Variants in DOK5 observed in about 807,000 individuals in gnomAD.
DOK5 encodes the protein docking protein 5.
A neutral mutation model predicts 43.3 loss-of-function variants in DOK5; 27 were observed. The observed-to-expected ratio is 0.62, with a 90% CI of 0.46 to 0.86. DOK5 has a LOEUF of 0.86. DOK5 is among the 40% of genes least tolerant of loss of function. The pLI is 0.00. For missense variants in DOK5, 373 were observed against 392.9 expected, an observed-to-expected ratio of 0.95 and a Z score of 0.43; for synonymous variants, 146 against 140.1, an observed-to-expected ratio of 1.04 and a Z score of -0.30.
At chr20:54,487,334 C>T (rs1351656303) in intron 1 of DOK5, among the ~76,000 whole-genome samples, 1 of 152,168 alleles carries the variant, frequency 6.6e-6, no homozygotes, top group Non-Finnish European at 1.5e-5. Context: ...CGTCATGTTT[C>T]ATTGCACTGA....
chr20:54,527,260 GT>G (rs960093801), intron 1 of DOK5, among the ~76,000 whole-genome samples: 3 of 151,876 alleles, frequency 2.0e-5, no homozygotes, highest in Non-Finnish European at 1.5e-5. Flanking sequence ...CATTTTAAAA[GT>G]TTTTTTTAAA....
chr20:54,545,750 T>C (rs756302136), intron 1 of DOK5, among the ~76,000 whole-genome samples: 3 of 152,138 alleles, frequency 2.0e-5, no homozygotes, highest in African/African-American at 4.8e-5. Context: ...ATACATGGAG[T>C]CCTGGATTAG....
intron 6 of DOK5, among the ~76,000 whole-genome samples, chr20:54,640,975 G>A (rs886464713): frequency 4.6e-5 from 7 of 152,092 alleles, no homozygotes; most frequent in African/African-American, 1.4e-4. Context: ...AGAAGCTGAC[G>A]AGGTGAGGGA....
At chr20:54,623,195 C>A (rs957231344) in intron 6 of DOK5, among the ~76,000 whole-genome samples, 1 of 152,120 alleles carries the variant, frequency 6.6e-6, no homozygotes, top group African/African-American at 2.4e-5. Flanking sequence ...CAATGGGGTC[C>A]CATTGGCATC....
chr20:54,582,896 C>G lies in DOK5; in HGVS notation c.175-5587C>G, dbSNP rs550801003. ...GTTCTAATCTAATTTTTATTATTTC[C>G]TTTCTTCTTATTATTTTGGGCATAG... On this transcript the variant is annotated intron_variant, in intron 2 of 7. Transcript: ENST00000262593. Among the ~76,000 whole-genome samples the G allele has an allele frequency of 2.7e-4, 41 of 151,744 alleles. 1 individual carries two copies. The South Asian group carries it at 8.3e-3, about 31-fold the overall frequency.
rs6512981 is a variant in DOK5, at chr20:54,627,677, T to G, written c.736-15781T>G. ...AGAAAGACGCAGTGGATCTCCAACT[T>G]ACGTGTGCATCACAGTCACCTACAA... On this transcript the variant is annotated intron_variant, in intron 6 of 7. Transcript: ENST00000262593. Among the ~76,000 whole-genome samples the G allele has an allele frequency of 7.5e-3, 1,137 of 152,134 alleles. 5 individuals carry two copies. Among genetic ancestry groups the G allele is most frequent in the African/African-American group, 0.026 (1,075 of 41,478 alleles).
At chr20:54,530,740 T>C (rs1271069610) in intron 1 of DOK5, among the ~76,000 whole-genome samples, 1 of 152,212 alleles carries the variant, frequency 6.6e-6, no homozygotes, top group Non-Finnish European at 1.5e-5. Flanking sequence ...GTATGCCTTT[T>C]CCCCTATTAA....
chr20:54,530,815 C>T (rs774350882), intron 1 of DOK5, among the ~76,000 whole-genome samples: 4 of 151,892 alleles, frequency 2.6e-5, no homozygotes, highest in Non-Finnish European at 5.9e-5. Context: ...TTCCTTTCAC[C>T]CCTGCAATAC....
Position 54,475,764 on chromosome 20 carries a change from T to C in DOK5, c.-183T>C. The C allele has an allele frequency of 1.4e-6, 1 of 727,086 alleles. No homozygotes were observed. The highest frequency in any genetic ancestry group is 2.2e-6 in the Non-Finnish European group (1 of 455,520). 45.0% of individuals were successfully genotyped at this position (727,086 alleles called of 1,614,324 possible). On this transcript the variant is annotated 5_prime_UTR_variant, in exon 1 of 8. Transcript: ENST00000262593. The surrounding 1 kb of genome is among the most constrained non-coding windows in gnomAD (Gnocchi z 4.2). ...GTGGCTGCAAGCCGGCCGCCCACTG[T>C]CAGGGTTGGGGGGACAGAGAAAGTG...
At chr20:54,579,060 A>G (rs543513043) in intron 2 of DOK5, among the ~76,000 whole-genome samples, 2 of 152,340 alleles carry the variant, frequency 1.3e-5, no homozygotes, top group African/African-American at 4.8e-5. Context: ...ATTTCATAGC[A>G]GTAGTATTAG....
intron 5 of DOK5, among the ~76,000 whole-genome samples, chr20:54,599,378 T>A (rs1195230597): frequency 6.6e-6 from 1 of 152,212 alleles, no homozygotes; most frequent in African/African-American, 2.4e-5. Flanking sequence ...AATGCACACA[T>A]TATAAATATT....
chr20:54,569,080 A>C (rs1324629444), intron 2 of DOK5, among the ~76,000 whole-genome samples: 1 of 151,552 alleles, frequency 6.6e-6, no homozygotes, highest in Non-Finnish European at 1.5e-5. Context: ...CAAACTCTTT[A>C]CTCTGTCTGC....
intron 2 of DOK5, among the ~76,000 whole-genome samples, chr20:54,561,594 A>G (rs1984908932): frequency 6.6e-6 from 1 of 152,218 alleles, no homozygotes; most frequent in Non-Finnish European, 1.5e-5. Context: ...AGGGCAACCC[A>G]AGACTACTTA....
chr20:54,477,244 T>C (rs1981469725), intron 1 of DOK5, among the ~76,000 whole-genome samples: 1 of 152,150 alleles, frequency 6.6e-6, no homozygotes, highest in African/African-American at 2.4e-5. Flanking sequence ...TACTGAAAAC[T>C]GAAAAGAAAT....
At chr20:54,589,009 A>G (rs1437067961) in intron 4 of DOK5, among the ~76,000 whole-genome samples, 2 of 152,206 alleles carry the variant, frequency 1.3e-5, no homozygotes, top group African/African-American at 2.4e-5. Flanking sequence ...ACATGAATGT[A>G]TCTACATTAA....
chr20:54,637,308 G>A (rs1406870977), intron 6 of DOK5, among the ~76,000 whole-genome samples: 1 of 152,236 alleles, frequency 6.6e-6, no homozygotes, highest in Non-Finnish European at 1.5e-5. Flanking sequence ...GCCAGGTTAG[G>A]AAGAGACCTG....
intron 6 of DOK5, among the ~76,000 whole-genome samples, chr20:54,637,106 G>C (rs971095819): frequency 2.0e-5 from 3 of 152,194 alleles, no homozygotes; most frequent in Non-Finnish European, 4.4e-5. Context: ...AAAGAGACCT[G>C]TAAGCCCAAG....
chr20:54,565,053 GA>G (rs2146740717), intron 2 of DOK5, among the ~76,000 whole-genome samples: 1 of 152,116 alleles, frequency 6.6e-6, no homozygotes, highest in South Asian at 2.1e-4. Flanking sequence ...TTCACTGCCT[GA>G]AAAGGGCCTT....
intron 2 of DOK5, among the ~76,000 whole-genome samples, chr20:54,568,771 A>G (rs1985178300): frequency 6.6e-6 from 1 of 152,046 alleles, no homozygotes; most frequent in Non-Finnish European, 1.5e-5. Context: ...TCTGCTAAAA[A>G]TACAAAAAAT....
Sources: allele counts gnomAD v4.1 joint callset (sites outside exome capture counted in the v4.1 genomes callset), GRCh38; gene constraint gnomAD v4.1.1; non-coding constraint Gnocchi (gnomAD v3.1); transcripts MANE v1.5; gene names NCBI Gene and HGNC (gene_info 2026-07-23, HGNC 2026-07-21).